CCDC172: variants seen among roughly 807,000 people sequenced by gnomAD.
CCDC172 encodes coiled-coil domain-containing protein 172.
In CCDC172, 30 loss-of-function variants were observed where a neutral mutation model predicts 38.0. That is an observed-to-expected ratio of 0.79 (90% CI 0.59 to 1.07). The LOEUF (loss-of-function observed/expected upper bound fraction) is 1.07, where lower values mean the gene tolerates loss of function less well. CCDC172 is among the 50% of genes least tolerant of loss of function. CCDC172 has a pLI of 0.00. For missense variants in CCDC172, 297 were observed against 290.1 expected, an observed-to-expected ratio of 1.02 and a Z score of -0.17; for synonymous variants, 78 against 88.3, an observed-to-expected ratio of 0.88 and a Z score of 0.66.
intron 5 of CCDC172, 54 bp from the exon 6 acceptor site, chr10:116,357,326 G>T: frequency 8.6e-7 from 1 of 1,158,566 alleles, no homozygotes; most frequent in South Asian, 1.5e-5. Flanking sequence ...TTACTTCCGG[G>T]GTTAAATTTA....
At chr10:116,325,182 C>A in intron 2 of CCDC172, 92 bp downstream of exon 2, 1 of 1,491,168 alleles carries the variant, frequency 6.7e-7, no homozygotes, top group Non-Finnish European at 9.3e-7. Context: ...GTGGTCAGAG[C>A]CGTTAGGGGA....
intron 8 of CCDC172, among the ~76,000 whole-genome samples, chr10:116,378,994 T>C (rs763105564): frequency 5.9e-5 from 9 of 152,144 alleles, no homozygotes; most frequent in Non-Finnish European, 1.0e-4. Context: ...GTAGGAGCAC[T>C]TTAAATTGCT....
intron 3 of CCDC172, among the ~76,000 whole-genome samples, chr10:116,335,922 T>A (rs751077869): frequency 1.6e-4 from 24 of 152,102 alleles, no homozygotes; most frequent in Non-Finnish European, 2.6e-4. Flanking sequence ...TTCCCAGCAC[T>A]TTGAGAGGCC....
intron 5 of CCDC172, among the ~76,000 whole-genome samples, chr10:116,352,964 C>T (rs539413830): frequency 2.4e-4 from 36 of 151,936 alleles, no homozygotes; most frequent in African/African-American, 7.0e-4. Flanking sequence ...GAGGCCAAGG[C>T]GGGTGGATCA....
rs1334070373 is a variant in CCDC172, at chr10:116,357,306, T to C, written c.449-74T>C. 4 of 875,424 alleles carry C rather than the reference T, an allele frequency of 4.6e-6. No individual in the cohort carries two copies. The East Asian group carries it at 8.7e-5, about 19-fold the overall frequency. The allele number at this position is 875,424 out of a possible 1,614,324, so 54.2% of individuals were successfully genotyped here. On this transcript the variant is annotated intron_variant, in intron 5 of 8. Coordinates refer to ENST00000333254, the MANE Select transcript of CCDC172 (RefSeq NM_198515.3). ...CATCTGTGTTTTATAGTTTTTAGTGTACAGGTCTTTTACTTCCGGGGTTAA... is the reference window on the plus strand; with the variant it reads ...CATCTGTGTTTTATAGTTTTTAGTGCACAGGTCTTTTACTTCCGGGGTTAA...
At chr10:116,329,748 T>A (rs1217016050) in intron 3 of CCDC172, among the ~76,000 whole-genome samples, 2 of 152,140 alleles carry the variant, frequency 1.3e-5, no homozygotes, top group Non-Finnish European at 2.9e-5. Flanking sequence ...CTTAGCACCT[T>A]AACACAAATC....
At chr10:116,352,690 C>G (rs1158608340) in intron 5 of CCDC172, among the ~76,000 whole-genome samples, 1 of 151,852 alleles carries the variant, frequency 6.6e-6, no homozygotes, top group Non-Finnish European at 1.5e-5. Flanking sequence ...GAATATTCCC[C>G]TCTAAGATCA....
At chr10:116,351,096 T>A (rs1844925720) in intron 5 of CCDC172, among the ~76,000 whole-genome samples, 1 of 152,174 alleles carries the variant, frequency 6.6e-6, no homozygotes, top group African/African-American at 2.4e-5. Flanking sequence ...TTAAGAAAGA[T>A]ATATTTCAGA....
At chr10:116,372,784 GA>G (rs779490989) in intron 7 of CCDC172, among the ~76,000 whole-genome samples, 2 of 152,064 alleles carry the variant, frequency 1.3e-5, no homozygotes, top group Non-Finnish European at 2.9e-5. Context: ...GGCAGAAAGA[GA>G]AAAGACACAA....
chr10:116,344,609 T>C (rs2109154), intron 5 of CCDC172, among the ~76,000 whole-genome samples: 108,172 of 151,960 alleles, frequency 0.71, 38,579 homozygotes, highest in East Asian at 0.88. Context: ...CATTACTGTA[T>C]GCTACTGTAA....
In CCDC172 at chr10:116,340,827, A is replaced by G. The variant is rs766286879; in HGVS notation, c.259A>G (p.Arg87Gly). The G allele has an allele frequency of 6.3e-7, 1 of 1,575,352 alleles. No homozygotes were observed. Among genetic ancestry groups the G allele is most frequent in the Non-Finnish European group, 8.7e-7 (1 of 1,147,150 alleles). Residue 87 changes from arginine (R) to glycine (G), a missense_variant, in exon 4 of 9, where the codon AGG becomes GGG. Physicochemically the swap from Arg to Gly is moderately radical, Grantham distance 125. Transcript: ENST00000333254. Reference sequence around the variant, plus strand: ...ACAGTACAGTGAAATTACAAACCATAGGAATATGCTTCTTCAAACCTTTGT... The same window carrying G: ...ACAGTACAGTGAAATTACAAACCATGGGAATATGCTTCTTCAAACCTTTGT... Reference protein sequence around the residue: ...EKQYSEITNHRNMLLQTFEAI... With the variant: ...EKQYSEITNHGNMLLQTFEAI...
intron 1 of CCDC172, 80 bp downstream of exon 1, chr10:116,324,693 C>T (rs1844567747): frequency 1.8e-5 from 5 of 278,242 alleles, no homozygotes; most frequent in Non-Finnish European, 2.7e-5. Context: ...GGGGTTCCGC[C>T]AGGGAAAAAG....
At position 116,379,604 on chromosome 10, in the gene CCDC172, G is replaced by T; in HGVS notation, c.*246G>T. 1 of 337,236 alleles carries T rather than the reference G, an allele frequency of 3.0e-6. No homozygotes were observed. The highest frequency in any genetic ancestry group is 4.9e-5 in the East Asian group (1 of 20,510). The allele number at this position is 337,236 out of a possible 1,614,324, so 20.9% of individuals were successfully genotyped here. On this transcript the variant is annotated 3_prime_UTR_variant, in exon 9 of 9. Coordinates refer to ENST00000333254, the MANE Select transcript of CCDC172 (RefSeq NM_198515.3). ...GTTTCTAAAAGAAGGAAAAGGAGAA[G>T]AAGTAGATACCGTGTTCCCAGGCTT... is the stretch of plus-strand genomic sequence containing the variant.
intron 7 of CCDC172, among the ~76,000 whole-genome samples, chr10:116,367,666 G>GA (rs565509551): frequency 3.3e-4 from 49 of 147,254 alleles, no homozygotes; most frequent in Admixed American, 1.8e-3. Flanking sequence ...GTCTCAAAAA[G>GA]AAAAAAAAAA....
rs765537652 is a variant in CCDC172, at chr10:116,357,836, T to C, written c.551T>C (p.Val184Ala). 1.1e-5 allele frequency: 15 copies of C among 1,414,912 alleles called. No homozygotes were observed. The highest frequency in any genetic ancestry group is 1.5e-5 in the African/African-American group (1 of 68,094). 87.6% of individuals were successfully genotyped at this position (1,414,912 alleles called of 1,614,324 possible). A position where few individuals can be genotyped will look rare whatever the true frequency, so the allele number is the denominator to read the frequency against. Reference protein sequence around the residue: ...ELFTLQRKLKVFEDEENESIC... With the variant: ...ELFTLQRKLKAFEDEENESIC... ...TGCAACTATTTTTTGATTTGTTTAG[T>C]TTTTGAAGATGAAGAGAATGAATCC... Residue 184 changes from valine (V) to alanine (A), a missense_variant and splice_region_variant, in exon 7 of 9, where the codon GTT becomes GCT. By Grantham distance (64) the Val-to-Ala change is moderately conservative. Transcript: ENST00000333254.
chr10:116,354,879 C>T (rs1044487092), intron 5 of CCDC172, among the ~76,000 whole-genome samples: 26 of 152,098 alleles, frequency 1.7e-4, no homozygotes, highest in African/African-American at 5.8e-4. Flanking sequence ...TTGTGTAGGC[C>T]TAGGCTAATT....
chr10:116,332,025 A>G (rs777271169), intron 3 of CCDC172, among the ~76,000 whole-genome samples: 1 of 152,152 alleles, frequency 6.6e-6, no homozygotes, highest in Non-Finnish European at 1.5e-5. Context: ...TAACTGGCAT[A>G]GATATTTCTC....
At chr10:116,327,170 T>G (rs1352240689) in intron 3 of CCDC172, among the ~76,000 whole-genome samples, 2 of 152,112 alleles carry the variant, frequency 1.3e-5, no homozygotes, top group African/African-American at 4.8e-5. Flanking sequence ...GTGAGGAAAC[T>G]GAGAGGTAAA....
chr10:116,340,679 C>A, intron 3 of CCDC172, 55 bp from the exon 4 acceptor site: 2 of 851,744 alleles, frequency 2.3e-6, no homozygotes, highest in Non-Finnish European at 3.9e-6. Context: ...ACCTAAGGTA[C>A]TCTAAAATGT....
Sources: gnomAD v4.1 joint callset for allele counts (sites outside exome capture counted in the v4.1 genomes callset) on GRCh38, gnomAD v4.1.1 for gene constraint, MANE v1.5 for transcripts, NCBI Gene and HGNC (gene_info 2026-07-23, HGNC 2026-07-21) for gene names.